CECR2: variants seen among roughly 807,000 people sequenced by gnomAD.
CECR2 encodes CECR2 histone acetyl-lysine reader.
Under a neutral mutation model 154.5 loss-of-function variants are expected in CECR2, and 30 were observed. The observed-to-expected ratio is 0.19, with a 90% CI of 0.15 to 0.26. The LOEUF (loss-of-function observed/expected upper bound fraction) is 0.26, where lower values mean the gene tolerates loss of function less well. Ranked by LOEUF, CECR2 falls within the 10% of genes least tolerant of loss-of-function variation. The pLI is 1.00. For missense variants in CECR2, 1,743 were observed against 1,829.3 expected (o/e 0.95, Z 0.86); for synonymous variants, 725 against 683.7 (o/e 1.06, Z -0.94).
intron 1 of CECR2, among the ~76,000 whole-genome samples, chr22:17,375,388 T>TA (rs1302057150): frequency 2.6e-5 from 4 of 152,092 alleles, no homozygotes; most frequent in African/African-American, 9.7e-5. Flanking sequence ...GTGCTGGGAT[T>TA]ACAGGCATGA....
At chr22:17,419,552 G>A (rs557195856) in intron 1 of CECR2, 8 of 217,916 alleles carry the variant, frequency 3.7e-5, no homozygotes, top group East Asian at 1.2e-4. Context: ...AGGAAGAGGA[G>A]GAGGAGGAGG....
At chr22:17,494,579 G>A (rs749114312) in intron 2 of CECR2, among the ~76,000 whole-genome samples, 8 of 152,184 alleles carry the variant, frequency 5.3e-5, no homozygotes, top group African/African-American at 1.9e-4. Context: ...AGCCCTGATT[G>A]TTAGAACTGT....
chr22:17,369,930 G>A (rs2063034393), intron 1 of CECR2, 21 bp downstream of exon 1: 1 of 150,860 alleles, frequency 6.6e-6, no homozygotes, highest in African/African-American at 2.4e-5. Context: ...GCGCGGGCGG[G>A]AGGCGGCGCG....
At chr22:17,460,170 C>T (rs562524469) in intron 1 of CECR2, among the ~76,000 whole-genome samples, 2 of 152,158 alleles carry the variant, frequency 1.3e-5, no homozygotes, top group African/African-American at 4.8e-5. Flanking sequence ...TATACACTTG[C>T]AACTTTGAAG....
chr22:17,439,152 G>A (rs951292451), intron 1 of CECR2, among the ~76,000 whole-genome samples: 8 of 150,864 alleles, frequency 5.3e-5, no homozygotes, highest in Admixed American at 3.3e-4. Flanking sequence ...GAATTCTATG[G>A]GAGAAGAAAC....
chr22:17,454,136 C>G (rs1408969125), intron 1 of CECR2, among the ~76,000 whole-genome samples: 1 of 152,156 alleles, frequency 6.6e-6, no homozygotes, highest in Non-Finnish European at 1.5e-5. Flanking sequence ...GAGCTCAATA[C>G]AAATTAGTTA....
chr22:17,503,252 C>A, intron 6 of CECR2, 121 bp downstream of exon 6: 1 of 799,098 alleles, frequency 1.3e-6, no homozygotes. Context: ...TTTTACCTAC[C>A]CCCTGTACTC....
rs867467633 is a variant in CECR2, at chr22:17,511,247, A to G, written c.871-566A>G. 3.3e-5 allele frequency among the ~76,000 whole-genome samples: 5 copies of G among 152,314 alleles called. No individual in the cohort carries two copies. In the East Asian group the frequency reaches 9.7e-4, roughly 29 times the overall value. ...GTAACCTAGATACAAGTAGTTCTCCATGCTCTTTCTTTGAAATTTCCTATA... is the reference window on the plus strand; with the variant it reads ...GTAACCTAGATACAAGTAGTTCTCCGTGCTCTTTCTTTGAAATTTCCTATA... On this transcript the variant is annotated intron_variant, in intron 7 of 18. Coordinates refer to ENST00000262608, the MANE Select transcript of CECR2 (RefSeq NM_001290047.2).
At chr22:17,515,959 G>A (rs962233337) in intron 8 of CECR2, among the ~76,000 whole-genome samples, 2 of 152,234 alleles carry the variant, frequency 1.3e-5, no homozygotes, top group African/African-American at 2.4e-5. Flanking sequence ...ACAGGCGTGA[G>A]CCACCACGCC....
chr22:17,400,842 A>G (rs922471436), intron 1 of CECR2, among the ~76,000 whole-genome samples: 3 of 152,078 alleles, frequency 2.0e-5, no homozygotes, highest in Admixed American at 1.3e-4. Context: ...CCTCAACCTC[A>G]TGGGCTCAAG....
chr22:17,545,398 G>A (rs1276729138), intron 16 of CECR2, among the ~76,000 whole-genome samples: 1,226 of 85,860 alleles, frequency 0.014, 1 homozygote, highest in Middle Eastern at 0.045. Context: ...AAAAAAAAAA[G>A]AAATGCCGTT....
intron 3 of CECR2, among the ~76,000 whole-genome samples, chr22:17,499,172 G>C (rs2055689986): frequency 6.6e-6 from 1 of 152,008 alleles, no homozygotes; most frequent in Non-Finnish European, 1.5e-5. Context: ...TGTATTTTTA[G>C]TAGAGGTGGG....
Position 17,516,897 on chromosome 22 carries a change from C to A in CECR2, c.954+5001C>A, listed in dbSNP as rs1306228077. ...GTGTGAGCCACTGCGCCCAGCTGATCTGGTTGTTTATTGTTTTTTCGGGGT... is the reference window on the plus strand; with the variant it reads ...GTGTGAGCCACTGCGCCCAGCTGATATGGTTGTTTATTGTTTTTTCGGGGT... On this transcript the variant is annotated intron_variant, in intron 8 of 18. Transcript: ENST00000262608. 2.0e-5 allele frequency among the ~76,000 whole-genome samples: 3 copies of A among 149,444 alleles called. No individual in the cohort carries two copies. In the East Asian group the frequency reaches 6.0e-4, roughly 30 times the overall value.
chr22:17,548,144 G>A lies in CECR2; in HGVS notation c.2861-4G>A. ...TTTTCTCCTCTTTTTTTTTTTTTTT[G>A]CAGCAGAGCCGTTGCCTGGCCTTGA... On this transcript the variant is annotated splice_region_variant and splice_polypyrimidine_tract_variant and intron_variant, in intron 16 of 18. Coordinates refer to ENST00000262608, the MANE Select transcript of CECR2 (RefSeq NM_001290047.2). 2.5e-6 allele frequency: 3 copies of A among 1,207,418 alleles called. No individual in the cohort carries two copies. The highest frequency in any genetic ancestry group is 3.2e-6 in the Non-Finnish European group (3 of 941,348). The allele number at this position is 1,207,418 out of a possible 1,614,324, so 74.8% of individuals were successfully genotyped here.
intron 2 of CECR2, among the ~76,000 whole-genome samples, chr22:17,478,097 A>G (rs936749776): frequency 6.6e-6 from 1 of 152,202 alleles, no homozygotes; most frequent in Non-Finnish European, 1.5e-5. Flanking sequence ...AATAAAAAAA[A>G]AAGAGAGATG....
chr22:17,525,810 C>T (rs1424826779), intron 9 of CECR2, among the ~76,000 whole-genome samples: 1 of 151,982 alleles, frequency 6.6e-6, no homozygotes, highest in Non-Finnish European at 1.5e-5. Context: ...TTATTGGGTA[C>T]ACCTGTCATT....
chr22:17,516,838 C>G (rs1391042952), intron 8 of CECR2, among the ~76,000 whole-genome samples: 2 of 151,744 alleles, frequency 1.3e-5, no homozygotes, highest in Non-Finnish European at 2.9e-5. Flanking sequence ...AGGTGAAATG[C>G]CCGCCTCGTC....
intron 1 of CECR2, among the ~76,000 whole-genome samples, chr22:17,470,409 G>A (rs3916781): frequency 7.7e-3 from 964 of 124,782 alleles, no homozygotes; most frequent in East Asian, 0.024. Context: ...AAAAAAAAAA[G>A]AAAAAAAAAT....
intron 1 of CECR2, among the ~76,000 whole-genome samples, chr22:17,412,505 C>G (rs1189636159): frequency 3.3e-5 from 5 of 152,082 alleles, no homozygotes; most frequent in African/African-American, 1.2e-4. Flanking sequence ...GCTCCTAATT[C>G]GATAGCATTT....
Sources: allele counts gnomAD v4.1 joint callset (sites outside exome capture counted in the v4.1 genomes callset), GRCh38; gene constraint gnomAD v4.1.1; transcripts MANE v1.5; gene names NCBI Gene and HGNC (gene_info 2026-07-23, HGNC 2026-07-21).